Variants in ELMO1 observed in about 807,000 individuals in gnomAD.
ELMO1 encodes engulfment and cell motility 1, also known as engulfment and cell motility protein 1.
A neutral mutation model predicts 98.9 loss-of-function variants in ELMO1; 26 were observed. The observed-to-expected ratio is 0.26, with a 90% CI of 0.19 to 0.36. ELMO1 has a LOEUF of 0.36. Ranked by LOEUF, ELMO1 falls within the 10% of genes least tolerant of loss-of-function variation. ELMO1 has a pLI of 1.00. For missense variants in ELMO1, 627 were observed against 935.2 expected, an observed-to-expected ratio of 0.67 and a Z score of 4.30; for synonymous variants, 346 against 346.0, an observed-to-expected ratio of 1.00 and a Z score of 0.00.
intron 4 of ELMO1, among the ~76,000 whole-genome samples, chr7:37,294,891 T>C (rs1035148301): frequency 2.0e-5 from 3 of 151,868 alleles, no homozygotes; most frequent in African/African-American, 7.3e-5. Context: ...CCCCAGCTAC[T>C]TGGGAGGCTG....
chr7:36,954,296 T>G (rs1344311020), intron 16 of ELMO1, among the ~76,000 whole-genome samples: 1 of 152,138 alleles, frequency 6.6e-6, no homozygotes, highest in African/African-American at 2.4e-5. Flanking sequence ...GAACCAGAAG[T>G]ATCAGAATTA....
At chr7:37,093,714 A>G (rs1219140475) in intron 15 of ELMO1, among the ~76,000 whole-genome samples, 1 of 152,198 alleles carries the variant, frequency 6.6e-6, no homozygotes, top group Non-Finnish European at 1.5e-5. Flanking sequence ...GTGTTTTATC[A>G]TTTGGTGTCT....
chr7:37,244,321 T>G lies in ELMO1; in HGVS notation c.449+35A>C, dbSNP rs75368254. 219 of 1,608,964 alleles carry G rather than the reference T, an allele frequency of 1.4e-4. No homozygotes were observed. In the East Asian group the frequency reaches 4.4e-3, roughly 33 times the overall value. ...AATTATGCAGGAAAGTAGGAAGGGT[T>G]AAATCATCAATATCAATCGATCAAA... On this transcript the variant is annotated intron_variant, in intron 7 of 21. Coordinates refer to ENST00000310758, the MANE Select transcript of ELMO1 (RefSeq NM_014800.11).
chr7:37,029,318 G>A (rs1018484072), intron 15 of ELMO1, among the ~76,000 whole-genome samples: 1 of 151,890 alleles, frequency 6.6e-6, no homozygotes, highest in African/African-American at 2.4e-5. Context: ...ATTACCCCAG[G>A]TGTCTCAGGT....
intron 13 of ELMO1, among the ~76,000 whole-genome samples, chr7:37,202,223 A>G (rs1259187544): frequency 6.6e-6 from 1 of 152,250 alleles, no homozygotes; most frequent in Non-Finnish European, 1.5e-5. Context: ...GTTTCAGAAT[A>G]CTATCCCAGT....
intron 14 of ELMO1, among the ~76,000 whole-genome samples, chr7:37,097,492 G>C (rs1382015722): frequency 1.3e-5 from 2 of 152,174 alleles, no homozygotes; most frequent in Non-Finnish European, 2.9e-5. Context: ...GCTGAGGCAG[G>C]AGAATCACTT....
intron 1 of ELMO1, among the ~76,000 whole-genome samples, chr7:37,372,219 C>A (rs2700971): frequency 0.95 from 144,621 of 152,134 alleles, 68,859 homozygotes; most frequent in East Asian, 1. Context: ...AAGGAAACTA[C>A]CCCAAAAAAG....
intron 1 of ELMO1, among the ~76,000 whole-genome samples, chr7:37,357,035 T>C (rs1231208191): frequency 6.6e-6 from 1 of 152,080 alleles, no homozygotes; most frequent in Non-Finnish European, 1.5e-5. Context: ...CCAATAAGAA[T>C]CTGAACCAAC....
At chr7:37,124,890 A>C (rs1786386252) in intron 14 of ELMO1, among the ~76,000 whole-genome samples, 1 of 152,220 alleles carries the variant, frequency 6.6e-6, no homozygotes, top group Admixed American at 6.5e-5. Context: ...AAACTATACT[A>C]TAAGGCTACA....
At chr7:36,885,175 G>A (rs1437396957) in intron 18 of ELMO1, among the ~76,000 whole-genome samples, 1 of 152,136 alleles carries the variant, frequency 6.6e-6, no homozygotes, top group African/African-American at 2.4e-5. Context: ...TCGGAAGGAT[G>A]ATTTTGTATT....
At chr7:37,232,611 T>A (rs770302973) in intron 8 of ELMO1, among the ~76,000 whole-genome samples, 11 of 152,338 alleles carry the variant, frequency 7.2e-5, no homozygotes, top group Middle Eastern at 6.8e-3. Flanking sequence ...TGCACCCTGA[T>A]TACAAGTAAG....
intron 16 of ELMO1, among the ~76,000 whole-genome samples, chr7:36,925,064 A>G (rs559570492): frequency 6.6e-6 from 1 of 152,214 alleles, no homozygotes; most frequent in Admixed American, 6.5e-5. Context: ...ACGTTGTACA[A>G]TGCACAGGAC....
At chr7:37,280,979 A>C (rs1279189409) in intron 4 of ELMO1, among the ~76,000 whole-genome samples, 1 of 149,316 alleles carries the variant, frequency 6.7e-6, no homozygotes, top group Non-Finnish European at 1.5e-5. Context: ...GAATGGATAA[A>C]GAAACTGTGG....
intron 13 of ELMO1, among the ~76,000 whole-genome samples, chr7:37,133,773 G>C (rs1249497906): frequency 6.6e-6 from 1 of 152,162 alleles, no homozygotes; most frequent in Non-Finnish European, 1.5e-5. Flanking sequence ...ACTGGATAAA[G>C]TTCAGATATC....
chr7:36,890,250 C>T (rs1805436544), intron 17 of ELMO1, among the ~76,000 whole-genome samples: 1 of 152,002 alleles, frequency 6.6e-6, no homozygotes, highest in African/African-American at 2.4e-5. Context: ...GTGTGAAGAG[C>T]AATTCAAAGT....
intron 15 of ELMO1, among the ~76,000 whole-genome samples, chr7:37,020,046 A>G (rs953396029): frequency 6.6e-6 from 1 of 152,238 alleles, no homozygotes; most frequent in Non-Finnish European, 1.5e-5. Context: ...ACTGGCTCTC[A>G]GAAAACAAGG....
chr7:37,342,943 A>G lies in ELMO1; in HGVS notation c.-73-180T>C. ...TACAATGGGCTCCTGAGGAAAGAAG[A>G]AAGATGGGGGTGCCCGTGCCAACGC... On this transcript the variant is annotated intron_variant, in intron 1 of 21. Coordinates refer to ENST00000310758, the MANE Select transcript of ELMO1 (RefSeq NM_014800.11). This position sits in a 1 kb window ranked among gnomAD's most constrained non-coding sequence, Gnocchi z 4.3. The G allele has an allele frequency of 2.5e-6, 1 of 407,700 alleles. No individual in the cohort carries two copies. The highest frequency in any genetic ancestry group is 4.4e-6 in the Non-Finnish European group (1 of 227,424). 25.3% of individuals were successfully genotyped at this position (407,700 alleles called of 1,614,324 possible). A position where few individuals can be genotyped will look rare whatever the true frequency, so the allele number is the denominator to read the frequency against.
chr7:37,426,891 A>G (rs1415249249), intron 1 of ELMO1, among the ~76,000 whole-genome samples: 3 of 152,170 alleles, frequency 2.0e-5, no homozygotes, highest in African/African-American at 4.8e-5. Flanking sequence ...TGAATAAAAA[A>G]CTATTTAAAT....
intron 2 of ELMO1, among the ~76,000 whole-genome samples, chr7:37,321,422 G>T (rs62459339): frequency 6.6e-6 from 1 of 151,960 alleles, no homozygotes; most frequent in East Asian, 1.9e-4. Context: ...TTCATTGAAA[G>T]AAAAGCCCTA....
Sources: allele counts gnomAD v4.1 joint callset (sites outside exome capture counted in the v4.1 genomes callset), GRCh38; gene constraint gnomAD v4.1.1; non-coding constraint Gnocchi (gnomAD v3.1); transcripts MANE v1.5; gene names NCBI Gene and HGNC (gene_info 2026-07-23, HGNC 2026-07-21).